Variants in RXFP1 observed in about 807,000 individuals in gnomAD.
RXFP1 encodes the protein relaxin family peptide receptor 1.
RXFP1 carries 73 observed loss-of-function variants against 89.8 expected under a neutral mutation model. That is an observed-to-expected ratio of 0.81 (90% CI 0.67 to 0.99). The LOEUF (loss-of-function observed/expected upper bound fraction) is 0.99. Among genes scored for constraint, RXFP1 ranks in the 50% least tolerant of loss-of-function variants. The probability of loss-of-function intolerance (pLI) is 0.00; values close to 1 mark genes in which losing one functional copy is unlikely to be tolerated. For missense variants in RXFP1, 793 were observed against 895.5 expected (o/e 0.89, Z 1.46); for synonymous variants, 277 against 305.5 (o/e 0.91, Z 0.97).
intron 8 of RXFP1, among the ~76,000 whole-genome samples, chr4:158,613,955 ATGTCGTG>A (rs1429407077): frequency 2.6e-5 from 4 of 152,226 alleles, no homozygotes; most frequent in Non-Finnish European, 4.4e-5. Context: ...TGTAGAATGG[ATGTCGTG>A]TTAGCAGGCA....
intron 6 of RXFP1, 68 bp from the exon 7 acceptor site, chr4:158,612,062 T>C (rs1030097060): frequency 2.3e-6 from 3 of 1,300,168 alleles, no homozygotes; most frequent in Non-Finnish European, 3.2e-6. Context: ...ATGATTATTG[T>C]TTTTACTTTT....
chr4:158,562,523 CAAAA>C (rs55944906), intron 1 of RXFP1, among the ~76,000 whole-genome samples: 327 of 25,304 alleles, frequency 0.013, 1 homozygote, highest in East Asian at 0.082. Flanking sequence ...GACTCCGTCT[CAAAA>C]AAAAAAAAAA....
chr4:158,646,538 G>A (rs900720170), intron 15 of RXFP1: 2 of 1,302,988 alleles, frequency 1.5e-6, no homozygotes, highest in Admixed American at 6.8e-5. Context: ...TGCTGTTAGA[G>A]ACTTGCACTT....
In RXFP1 at chr4:158,651,907, G is replaced by A. The variant is rs1276903652; in HGVS notation, c.2126G>A (p.Gly709Asp). Residue 709 changes from glycine to aspartate, a missense_variant, in exon 18 of 18, where the codon GGT becomes GAT. Physicochemically the swap from Gly to Asp is moderately conservative, Grantham distance 94. Coordinates refer to ENST00000307765, the MANE Select transcript of RXFP1 (RefSeq NM_021634.4). Reference protein sequence around the residue: ...YRQRKSMDSKGQKTYAPSFIW... With the variant: ...YRQRKSMDSKDQKTYAPSFIW... ...CAAAGAAAATCTATGGACAGCAAAGGTCAGAAAACATATGCTCCATCATTC... is the reference window on the plus strand; with the variant it reads ...CAAAGAAAATCTATGGACAGCAAAGATCAGAAAACATATGCTCCATCATTC... 1 of 1,613,982 alleles carries A rather than the reference G, an allele frequency of 6.2e-7. No homozygotes were observed. The highest frequency in any genetic ancestry group is 8.5e-7 in the Non-Finnish European group (1 of 1,180,028).
chr4:158,616,148 G>A (rs1221485782), intron 8 of RXFP1, among the ~76,000 whole-genome samples: 1 of 152,166 alleles, frequency 6.6e-6, no homozygotes, highest in East Asian at 1.9e-4. Flanking sequence ...TGGGCCAGGT[G>A]CAGTGGCTCA....
At chr4:158,534,245 ATTTTT>A (rs70962614) in intron 1 of RXFP1, among the ~76,000 whole-genome samples, 173 of 137,594 alleles carry the variant, frequency 1.3e-3, no homozygotes, top group African/African-American at 4.0e-3. Context: ...TGATATTCTG[ATTTTT>A]TTTTTTTTTT....
chr4:158,626,814 T>G lies in RXFP1; in HGVS notation c.756-6T>G. The stretch of plus-strand genomic sequence containing the variant: ...TTAGCTGTATCGTTTTATTTTTATG[T>G]TCCAGGGACCTTGAAGGCAACCATA... On this transcript the variant is annotated splice_polypyrimidine_tract_variant and splice_region_variant and intron_variant, in intron 9 of 17. Coordinates refer to ENST00000307765, the MANE Select transcript of RXFP1 (RefSeq NM_021634.4). 1.3e-6 allele frequency: 2 copies of G among 1,533,320 alleles called. No homozygotes were observed. The highest frequency in any genetic ancestry group is 1.8e-6 in the Non-Finnish European group (2 of 1,124,810). 95.0% of individuals were successfully genotyped at this position (1,533,320 alleles called of 1,614,324 possible).
chr4:158,578,317 T>TG (rs1309709279), intron 2 of RXFP1, among the ~76,000 whole-genome samples: 1 of 152,130 alleles, frequency 6.6e-6, no homozygotes, highest in Non-Finnish European at 1.5e-5. Context: ...ACCAAAAAAA[T>TG]TTTTTTAAGT....
At chr4:158,625,216 C>CTA (rs1306473760) in intron 9 of RXFP1, among the ~76,000 whole-genome samples, 1 of 152,060 alleles carries the variant, frequency 6.6e-6, no homozygotes, top group African/African-American at 2.4e-5. Context: ...AAAAGTAGCA[C>CTA]TATAAGTGAT....
At chr4:158,590,083 T>C (rs1051181161) in intron 2 of RXFP1, among the ~76,000 whole-genome samples, 3 of 151,906 alleles carry the variant, frequency 2.0e-5, no homozygotes. Context: ...TATGACAAAA[T>C]ATGAATTCAA....
intron 8 of RXFP1, among the ~76,000 whole-genome samples, chr4:158,612,929 A>G (rs1430900381): frequency 6.6e-6 from 1 of 152,170 alleles, no homozygotes; most frequent in Non-Finnish European, 1.5e-5. Flanking sequence ...ATTCTTAAGC[A>G]CATCGTTACT....
chr4:158,627,504 GGTGTGTGTGTGTGT>G (rs35872724), intron 10 of RXFP1, among the ~76,000 whole-genome samples: 2,272 of 143,442 alleles, frequency 0.016, 59 homozygotes, highest in African/African-American at 0.055. Flanking sequence ...TGAGCCTTAG[GGTGTGTGTGTGTGT>G]GTGTGTGTGT....
intron 10 of RXFP1, 95 bp downstream of exon 10, chr4:158,626,986 A>T: frequency 7.3e-6 from 4 of 550,880 alleles, no homozygotes; most frequent in Non-Finnish European, 1.2e-5. Flanking sequence ...CCCAAAGAAC[A>T]TCAAGAGTCT....
intron 9 of RXFP1, among the ~76,000 whole-genome samples, chr4:158,621,224 A>C (rs1765570154): frequency 6.6e-6 from 1 of 152,128 alleles, no homozygotes; most frequent in African/African-American, 2.4e-5. Context: ...AAGTGGGAGG[A>C]TAGCGTGAGC....
At chr4:158,606,160 C>G (rs2150112833) in intron 5 of RXFP1, among the ~76,000 whole-genome samples, 1 of 152,286 alleles carries the variant, frequency 6.6e-6, no homozygotes, top group South Asian at 2.1e-4. Flanking sequence ...CTGACTTATT[C>G]TATTTTCTGA....
chr4:158,531,261 C>T (rs1743981041), intron 1 of RXFP1, among the ~76,000 whole-genome samples: 1 of 152,192 alleles, frequency 6.6e-6, no homozygotes, highest in South Asian at 2.1e-4. Context: ...GTCCTAAACG[C>T]CTGGGCTCAA....
intron 1 of RXFP1, among the ~76,000 whole-genome samples, chr4:158,546,354 A>G (rs1181777006): frequency 6.6e-6 from 1 of 152,202 alleles, no homozygotes; most frequent in Non-Finnish European, 1.5e-5. Flanking sequence ...TTTTGGGCTG[A>G]GACAATGGGG....
chr4:158,644,602 T>C (rs184305894), intron 14 of RXFP1, among the ~76,000 whole-genome samples: 242 of 152,206 alleles, frequency 1.6e-3, no homozygotes, highest in South Asian at 3.7e-3. Flanking sequence ...GCGAGTACGA[T>C]AACGGTTTCT....
At chr4:158,649,543 C>T (rs1239726960) in intron 17 of RXFP1, among the ~76,000 whole-genome samples, 1 of 151,434 alleles carries the variant, frequency 6.6e-6, no homozygotes, top group Non-Finnish European at 1.5e-5. Context: ...CCCAGGAGTT[C>T]AAAGCTGCAG....
Sources: allele counts gnomAD v4.1 joint callset (sites outside exome capture counted in the v4.1 genomes callset), GRCh38; gene constraint gnomAD v4.1.1; transcripts MANE v1.5; gene names NCBI Gene and HGNC (gene_info 2026-07-23, HGNC 2026-07-21).